Variants in PTPRE observed in about 807,000 individuals in gnomAD.
PTPRE encodes the protein protein tyrosine phosphatase receptor type E.
Under a neutral mutation model 102.0 loss-of-function variants are expected in PTPRE, and 51 were observed. The ratio of observed to expected loss-of-function variants is 0.50; its 90% CI spans 0.40 to 0.63. The LOEUF (loss-of-function observed/expected upper bound fraction) is 0.63. PTPRE is among the 30% of genes least tolerant of loss of function. PTPRE has a pLI of 0.00. For missense variants in PTPRE, 752 were observed against 915.1 expected, an observed-to-expected ratio of 0.82 and a Z score of 2.30; for synonymous variants, 345 against 348.2, an observed-to-expected ratio of 0.99 and a Z score of 0.10.
chr10:128,068,588 T>A (rs1850486440), intron 12 of PTPRE: 1 of 234,036 alleles, frequency 4.3e-6, no homozygotes. Flanking sequence ...GAATCCCAAG[T>A]CACCTCTGGG....
chr10:128,066,225 A>G, intron 11 of PTPRE, 31 bp downstream of exon 11: 1 of 1,608,974 alleles, frequency 6.2e-7, no homozygotes, highest in Non-Finnish European at 8.5e-7. Context: ...CCCTTCCAGA[A>G]AGATCATTTT....
chr10:128,010,457 C>G (rs1340660999), intron 2 of PTPRE, among the ~76,000 whole-genome samples: 1 of 152,202 alleles, frequency 6.6e-6, no homozygotes, highest in African/African-American at 2.4e-5. Context: ...CCATGCGGTT[C>G]CCAGCCCAGT....
intron 2 of PTPRE, among the ~76,000 whole-genome samples, chr10:128,023,860 T>A (rs963062507): frequency 6.6e-6 from 1 of 152,240 alleles, no homozygotes; most frequent in African/African-American, 2.4e-5. Flanking sequence ...GTCTACTCTG[T>A]AATAATATTT....
chr10:127,956,298 G>A (rs1849399288), intron 1 of PTPRE, among the ~76,000 whole-genome samples: 1 of 152,146 alleles, frequency 6.6e-6, no homozygotes, highest in African/African-American at 2.4e-5. Flanking sequence ...TAGCATTTGA[G>A]TCCAAGTGGA....
chr10:127,933,326 G>C (rs1225873776), intron 1 of PTPRE, among the ~76,000 whole-genome samples: 5 of 152,172 alleles, frequency 3.3e-5, no homozygotes, highest in Non-Finnish European at 7.3e-5. Flanking sequence ...AGCAAAGAAA[G>C]TTGTTTCCAT....
chr10:127,916,607 G>A (rs2135155317), intron 1 of PTPRE, among the ~76,000 whole-genome samples: 1 of 152,288 alleles, frequency 6.6e-6, no homozygotes, highest in South Asian at 2.1e-4. Flanking sequence ...CCAGACAGAG[G>A]GGCTACCATG....
At chr10:127,945,745 C>T (rs1429721611) in intron 1 of PTPRE, among the ~76,000 whole-genome samples, 6 of 152,102 alleles carry the variant, frequency 3.9e-5, no homozygotes, top group Non-Finnish European at 8.8e-5. Context: ...ATATGTTTTC[C>T]TCCTCAAGAT....
chr10:127,982,489 CGTGTGTGT>C (rs59170572), intron 2 of PTPRE, among the ~76,000 whole-genome samples, 193 bp downstream of exon 2: 8,059 of 142,662 alleles, frequency 0.056, 606 homozygotes, highest in African/African-American at 0.17. Flanking sequence ...ACATCATTTG[CGTGTGTGT>C]GTGTGTGTGT....
At chr10:127,936,436 A>G (rs1445088308) in intron 1 of PTPRE, among the ~76,000 whole-genome samples, 2 of 152,200 alleles carry the variant, frequency 1.3e-5, no homozygotes, top group African/African-American at 2.4e-5. Flanking sequence ...ATTAATTAAT[A>G]GTGTGTATTT....
chr10:128,029,191 C>T (rs1053152224), intron 2 of PTPRE, among the ~76,000 whole-genome samples: 1 of 152,110 alleles, frequency 6.6e-6, no homozygotes, highest in Admixed American at 6.5e-5. Context: ...GGCTCAGGGC[C>T]CCAGCTGGGG....
In PTPRE at chr10:128,070,558, G is replaced by A. The variant is rs1486834899; in HGVS notation, c.1293+108G>A. ...TCTTTCAATCACTTGCCCCTTAACT[G>A]ACCTCAGAAAAAGCAGGGGCAATAC... On this transcript the variant is annotated intron_variant, in intron 14 of 20. Transcript: ENST00000254667. This position sits in a 1 kb window ranked among gnomAD's most constrained non-coding sequence, Gnocchi z 4.8. 17 of 1,414,498 alleles carry A rather than the reference G, an allele frequency of 1.2e-5. No individual in the cohort carries two copies. The highest frequency in any genetic ancestry group is 8.6e-5 in the African/African-American group (6 of 69,628). The allele number at this position is 1,414,498 out of a possible 1,614,324, so 87.6% of individuals were successfully genotyped here.
rs996027511 is a variant in PTPRE, at chr10:128,076,659, G to A, written c.1656G>A (p.Thr552=). 3 of 1,611,770 alleles carry A rather than the reference G, an allele frequency of 1.9e-6. No homozygotes were observed. The highest frequency in any genetic ancestry group is 1.3e-5 in the African/African-American group (1 of 74,844). ...TEGSVTHGEI[T]IEIKNDTLSE... is the part of the protein sequence containing the mutation. ...GCTCAGTTACTCATGGAGAAATAACGATTGAGATAAAGAATGATACCCTTT... is the reference window on the plus strand; with the variant it reads ...GCTCAGTTACTCATGGAGAAATAACAATTGAGATAAAGAATGATACCCTTT... Residue 552 remains threonine (T), a synonymous_variant, in exon 18 of 21, where the codon ACG becomes ACA. Transcript: ENST00000254667.
chr10:128,047,531 G>A, intron 4 of PTPRE, 42 bp downstream of exon 4: 1 of 1,611,872 alleles, frequency 6.2e-7, no homozygotes, highest in Non-Finnish European at 8.5e-7. Context: ...AACCAGCTCA[G>A]AGGAGGAAAT....
intron 1 of PTPRE, among the ~76,000 whole-genome samples, chr10:127,977,586 TG>T (rs1851277197): frequency 6.6e-6 from 1 of 152,262 alleles, no homozygotes; most frequent in South Asian, 2.1e-4. Context: ...TGGCCAGTTC[TG>T]TTCATCTCAG....
At chr10:128,035,138 G>A (rs77353484) in intron 2 of PTPRE, among the ~76,000 whole-genome samples, 7,182 of 151,928 alleles carry the variant, frequency 0.047, 258 homozygotes, top group African/African-American at 0.082. Context: ...ACCCATCACC[G>A]CGCCCAGCTA....
intron 2 of PTPRE, among the ~76,000 whole-genome samples, chr10:128,012,924 G>T (rs1030859012): frequency 6.6e-6 from 1 of 152,100 alleles, no homozygotes. Flanking sequence ...GTAAATATTT[G>T]TTAAACAAAT....
intron 1 of PTPRE, among the ~76,000 whole-genome samples, chr10:127,912,136 TC>T (rs1168529513): frequency 2.6e-5 from 4 of 152,194 alleles, no homozygotes; most frequent in African/African-American, 9.7e-5. Flanking sequence ...GTCTGCCCTG[TC>T]CAGGTGTTCC....
chr10:127,957,089 T>A (rs941542266), intron 1 of PTPRE, among the ~76,000 whole-genome samples: 1 of 152,244 alleles, frequency 6.6e-6, no homozygotes, highest in Admixed American at 6.5e-5. Context: ...TGAGGTTCAA[T>A]GTATCAATTC....
intron 17 of PTPRE, among the ~76,000 whole-genome samples, chr10:128,076,336 A>G (rs970542342): frequency 1.3e-5 from 2 of 152,112 alleles, no homozygotes; most frequent in Admixed American, 1.3e-4. Context: ...CAGGTAGAAA[A>G]CCAATTTTTC....
Sources: allele counts gnomAD v4.1 joint callset (sites outside exome capture counted in the v4.1 genomes callset), GRCh38; gene constraint gnomAD v4.1.1; non-coding constraint Gnocchi (gnomAD v3.1); transcripts MANE v1.5; gene names NCBI Gene and HGNC (gene_info 2026-07-23, HGNC 2026-07-21).